Variants in TAFA2 observed in about 807,000 individuals in gnomAD.
TAFA2 encodes chemokine-like protein TAFA-2.
In TAFA2, 7 loss-of-function variants were observed where a neutral mutation model predicts 18.8. That is an observed-to-expected ratio of 0.37 (90% CI 0.21 to 0.70). The LOEUF (loss-of-function observed/expected upper bound fraction) is 0.70. Ranked by LOEUF, TAFA2 falls within the 30% of genes least tolerant of loss-of-function variation. TAFA2 has a pLI of 0.53. For missense variants in TAFA2, 122 were observed against 158.1 expected (o/e 0.77, Z 1.23); for synonymous variants, 60 against 54.2 (o/e 1.11, Z -0.47).
chr12:61,710,979 A>G (rs1000421933), intron 4 of TAFA2, among the ~76,000 whole-genome samples: 96 of 152,216 alleles, frequency 6.3e-4, no homozygotes, highest in African/African-American at 2.1e-3. Flanking sequence ...GGGGACAAAA[A>G]TATCTGAGGA....
At chr12:61,922,962 C>T (rs1014313675) in intron 1 of TAFA2, among the ~76,000 whole-genome samples, 13 of 152,134 alleles carry the variant, frequency 8.5e-5, no homozygotes, top group East Asian at 1.9e-4. Context: ...TCCCCGACAG[C>T]GTAAACAAAG....
intron 1 of TAFA2, among the ~76,000 whole-genome samples, chr12:62,138,837 T>G (rs2062218051): frequency 6.6e-6 from 1 of 152,242 alleles, no homozygotes; most frequent in Non-Finnish European, 1.5e-5. Context: ...ACGTTCATTT[T>G]AATTTAAAAT....
intron 1 of TAFA2, among the ~76,000 whole-genome samples, chr12:61,881,037 A>T (rs2121270624): frequency 6.6e-6 from 1 of 152,332 alleles, no homozygotes; most frequent in South Asian, 2.1e-4. Context: ...TTGATAATGA[A>T]AACAATTCTA....
chr12:61,887,612 G>A (rs1875443699), intron 1 of TAFA2, among the ~76,000 whole-genome samples: 1 of 123,514 alleles, frequency 8.1e-6, no homozygotes, highest in Non-Finnish European at 1.6e-5. Context: ...AGTCCCCAGA[G>A]TGTGATGTTC....
At chr12:61,793,552 T>C (rs1300225810) in intron 2 of TAFA2, among the ~76,000 whole-genome samples, 28 of 151,792 alleles carry the variant, frequency 1.8e-4, no homozygotes, top group South Asian at 6.2e-4. Flanking sequence ...TCAAGAAGAA[T>C]TGGATAACTC....
chr12:62,029,754 T>G (rs1881403319), intron 1 of TAFA2, among the ~76,000 whole-genome samples: 1 of 151,484 alleles, frequency 6.6e-6, no homozygotes, highest in Non-Finnish European at 1.5e-5. Context: ...GTGAGGAGAG[T>G]TGACTCCAGC....
intron 1 of TAFA2, among the ~76,000 whole-genome samples, chr12:62,002,698 T>C (rs1435022431): frequency 6.6e-6 from 1 of 152,194 alleles, no homozygotes; most frequent in Non-Finnish European, 1.5e-5. Flanking sequence ...GAGATAGTCC[T>C]TCCAACACTC....
chr12:61,951,362 G>A (rs11174250), intron 1 of TAFA2, among the ~76,000 whole-genome samples: 13,299 of 152,164 alleles, frequency 0.087, 655 homozygotes, highest in East Asian at 0.22. Context: ...GAAGCCTGAT[G>A]TTTTAAGAAG....
At chr12:61,777,075 C>G (rs1186473985) in intron 2 of TAFA2, among the ~76,000 whole-genome samples, 1 of 151,848 alleles carries the variant, frequency 6.6e-6, no homozygotes, top group African/African-American at 2.4e-5. Flanking sequence ...GGTAATTTGC[C>G]TTTGTCTCCT....
At chr12:61,762,447 A>G (rs1869595261) in intron 2 of TAFA2, among the ~76,000 whole-genome samples, 1 of 151,982 alleles carries the variant, frequency 6.6e-6, no homozygotes, top group South Asian at 2.1e-4. Context: ...AGTCTTTATG[A>G]AGACCAAATG....
intron 1 of TAFA2, among the ~76,000 whole-genome samples, chr12:62,061,018 GAA>G (rs61568179): frequency 2.4e-4 from 36 of 148,676 alleles, no homozygotes; most frequent in Non-Finnish European, 2.5e-4. Flanking sequence ...AAGTTTAAAA[GAA>G]AAAAAAAAAG....
At chr12:61,904,292 T>C (rs1876243381) in intron 1 of TAFA2, among the ~76,000 whole-genome samples, 1 of 152,076 alleles carries the variant, frequency 6.6e-6, no homozygotes, top group African/African-American at 2.4e-5. Flanking sequence ...CAAAAAACAC[T>C]ACAGGTTTTT....
intron 2 of TAFA2, among the ~76,000 whole-genome samples, chr12:61,766,781 AT>A (rs200082534): frequency 6.2e-4 from 94 of 152,122 alleles, no homozygotes; most frequent in Middle Eastern, 3.4e-3. Flanking sequence ...TAAATTTAAC[AT>A]TTTTTTTCCA....
At chr12:62,234,869 C>A in intron 1 of TAFA2, 1 of 1,037,176 alleles carries the variant, frequency 9.6e-7, no homozygotes, top group Non-Finnish European at 1.5e-6. Context: ...GACTGGGACT[C>A]AGCTCGGGGC....
chr12:62,098,913 G>A (rs1869066109), intron 1 of TAFA2, among the ~76,000 whole-genome samples: 1 of 152,094 alleles, frequency 6.6e-6, no homozygotes, highest in Admixed American at 6.6e-5. Context: ...AGCCTAATTA[G>A]ACACCTGTGG....
At chr12:62,158,737 C>T (rs1426831669) in intron 1 of TAFA2, among the ~76,000 whole-genome samples, 1 of 152,180 alleles carries the variant, frequency 6.6e-6, no homozygotes, top group East Asian at 1.9e-4. Flanking sequence ...TCCATTCTCC[C>T]TTCTTTAGTT....
chr12:62,212,395 T>C (rs146598494), intron 1 of TAFA2, among the ~76,000 whole-genome samples: 1,735 of 152,318 alleles, frequency 0.011, 21 homozygotes, highest in Non-Finnish European at 0.016. Flanking sequence ...GGTTTTGCCC[T>C]TTAAGGGGTT....
chr12:62,224,691 C>A (rs554514961), intron 1 of TAFA2, among the ~76,000 whole-genome samples: 62 of 152,002 alleles, frequency 4.1e-4, no homozygotes, highest in African/African-American at 1.5e-3. Flanking sequence ...TTGCCAGAGG[C>A]TGGGGAAAGG....
At chr12:61,792,044 A>AT (rs1211021111) in intron 2 of TAFA2, among the ~76,000 whole-genome samples, 4 of 151,586 alleles carry the variant, frequency 2.6e-5, no homozygotes. Flanking sequence ...AGAAAAAATA[A>AT]TTTGTTTTCA....
Sources: gnomAD v4.1 joint callset for allele counts (sites outside exome capture counted in the v4.1 genomes callset) on GRCh38, gnomAD v4.1.1 for gene constraint, MANE v1.5 for transcripts, NCBI Gene and HGNC (gene_info 2026-07-23, HGNC 2026-07-21) for gene names.